The following SKOR1 variants were observed in gnomAD, a reference collection of about 807,000 sequenced individuals.
SKOR1 encodes LBX1 corepressor 1.
SKOR1 carries 38 observed loss-of-function variants against 72.4 expected under a neutral mutation model. The ratio of observed to expected loss-of-function variants is 0.52; its 90% confidence interval spans 0.40 to 0.69. The LOEUF is 0.69. Ranked by LOEUF, SKOR1 falls within the 30% of genes least tolerant of loss-of-function variation. The probability of loss-of-function intolerance (pLI) is 0.00; values close to 1 mark genes in which losing one functional copy is unlikely to be tolerated. For synonymous variants in SKOR1, 642 were observed against 599.4 expected (o/e 1.07, Z -1.04); for missense variants, 1,320 against 1,343.2 (o/e 0.98, Z 0.27).
Position 67,827,973 on chromosome 15 carries a change from C to T in SKOR1, c.2145C>T (p.Gly715=), listed in dbSNP as rs914546277. 1 of 1,541,256 alleles carries T rather than the reference C, an allele frequency of 6.5e-7. No individual in the cohort carries two copies. The highest frequency in any genetic ancestry group is 1.2e-5 in the South Asian group (1 of 83,658). Residue 715 remains glycine (G), a synonymous_variant, in exon 2 of 9, where the codon GGC becomes GGT. Transcript: ENST00000380035. ...ADGPANSPDG[G]SPRPRRRLGP... is the part of the protein sequence containing the mutation. ...GTCCCGCAAACTCTCCCGACGGCGGCAGCCCCCGCCCCCGGCGCCGCCTCG... is the reference window on the plus strand; with the variant it reads ...GTCCCGCAAACTCTCCCGACGGCGGTAGCCCCCGCCCCCGGCGCCGCCTCG...
intron 4 of SKOR1, 35 bp downstream of exon 4, chr15:67,830,333 C>T (rs775235394): frequency 1.3e-6 from 2 of 1,598,308 alleles, no homozygotes; most frequent in East Asian, 2.2e-5. Context: ...CTCTCCACCG[C>T]ACCCAGGAGC....
At position 67,825,839 on chromosome 15, in the gene SKOR1, CCGCGCGCCCAACTCGGAGCGCCCTGCTG is replaced by C. The variant is rs1431605094; in HGVS notation, c.108-96_108-69del. Reference sequence around the variant, plus strand: ...TGGACTCCCCACTGCCAAGTATCCCCCGCGCGCCCAACTCGGAGCGCCCTGCTGGGCGGGCCCGAGCCTCGGCGGCGGC... The same window carrying C: ...TGGACTCCCCACTGCCAAGTATCCCCGGCGGGCCCGAGCCTCGGCGGCGGC... On this transcript the variant is annotated intron_variant, in intron 1 of 8. Coordinates refer to ENST00000380035, the MANE Select transcript of SKOR1 (RefSeq NM_001365915.1). This position sits in a 1 kb window ranked among gnomAD's most constrained non-coding sequence, Gnocchi z 5.6. 6.6e-7 allele frequency: 1 copy of C among 1,516,160 alleles called. No individual in the cohort carries two copies. Among genetic ancestry groups the C allele is most frequent in the African/African-American group, 1.4e-5 (1 of 71,886 alleles). 93.9% of individuals were successfully genotyped at this position (1,516,160 alleles called of 1,614,324 possible).
Position 67,827,997 on chromosome 15 carries a change from C to T in SKOR1, c.2169C>T (p.Leu723=). The T allele has an allele frequency of 1.9e-6, 3 of 1,539,038 alleles. No individual in the cohort carries two copies. Among genetic ancestry groups the T allele is most frequent in the Non-Finnish European group, 1.7e-6 (2 of 1,144,272 alleles). Residue 723 remains leucine, a synonymous_variant, in exon 2 of 9, where the codon CTC becomes CTT. Coordinates refer to ENST00000380035, the MANE Select transcript of SKOR1 (RefSeq NM_001365915.1). ...DGGSPRPRRR[L]GPPPAGRPAF... is the part of the protein sequence containing the mutation. ...GCAGCCCCCGCCCCCGGCGCCGCCT[C>T]GGGCCACCCCCAGCTGGCCGGCCCG...
intron 5 of SKOR1, among the ~76,000 whole-genome samples, chr15:67,831,947 T>C (rs1033828041): frequency 2.0e-5 from 3 of 148,190 alleles, no homozygotes; most frequent in African/African-American, 5.2e-5. Flanking sequence ...GGTCTGTCAC[T>C]TGAAGTGGGA....
chr15:67,832,650 A>G lies in SKOR1; in HGVS notation c.2706A>G (p.Glu902=). The stretch of plus-strand genomic sequence containing the variant: ...TGAAGAGGGAATTGGCTTATCGAGA[A>G]GAAATGGTGCAACAGCTGCAAATTG... ...DQMKRELAYR[E]EMVQQLQIVR... Residue 902 remains glutamate (E), a synonymous_variant, in exon 7 of 9, where the codon GAA becomes GAG. Coordinates refer to ENST00000380035, the MANE Select transcript of SKOR1 (RefSeq NM_001365915.1). This position sits in a 1 kb window ranked among gnomAD's most constrained non-coding sequence, Gnocchi z 4.5. The G allele has an allele frequency of 1.9e-6, 3 of 1,614,170 alleles. No homozygotes were observed. Among genetic ancestry groups the G allele is most frequent in the Non-Finnish European group, 2.5e-6 (3 of 1,180,012 alleles).
At chr15:67,830,789 A>G (rs1367539610) in intron 4 of SKOR1, 29 bp from the exon 5 acceptor site, 2 of 1,612,616 alleles carry the variant, frequency 1.2e-6, no homozygotes, top group East Asian at 2.2e-5. Context: ...CCTAGGACAG[A>G]ACCCCTCTTA....
Position 67,833,606 on chromosome 15 carries a change from T to C in SKOR1, c.2804-136T>C. ...ATCACCAGCTTTTGTCCTACCCTCCTGCCTCCTCCTGATCCGCTCGGTTGA... is the reference window on the plus strand; with the variant it reads ...ATCACCAGCTTTTGTCCTACCCTCCCGCCTCCTCCTGATCCGCTCGGTTGA... On this transcript the variant is annotated intron_variant, in intron 8 of 8. Transcript: ENST00000380035. The surrounding 1 kb of genome is among the most constrained non-coding windows in gnomAD (Gnocchi z 6.0). 1.1e-6 allele frequency: 1 copy of C among 893,678 alleles called. No homozygotes were observed. 55.4% of individuals were successfully genotyped at this position (893,678 alleles called of 1,614,324 possible).
At position 67,826,903 on chromosome 15, in the gene SKOR1, G is replaced by T; in HGVS notation, c.1075G>T (p.Gly359Cys). 1 of 1,551,052 alleles carries T rather than the reference G, an allele frequency of 6.4e-7. No individual in the cohort carries two copies. The highest frequency in any genetic ancestry group is 1.4e-5 in the African/African-American group (1 of 73,128). Residue 359 changes from glycine (G) to cysteine (C), a missense_variant, in exon 2 of 9, where the codon GGC (glycine) becomes TGC (cysteine). Physicochemically the swap from Gly to Cys is radical, Grantham distance 159 (BLOSUM62 -3). This residue lies in a region of SKOR1 where 1,099 missense variants were observed against 1,025.5 expected (regional missense o/e 1.07). Transcript: ENST00000380035. Reference sequence around the variant, plus strand: ...GGCGACTGGAGCTAGTGGCCCGGCGGGCCCAGGAGGGCCCGGTGGCGGCGC... The same window carrying T: ...GGCGACTGGAGCTAGTGGCCCGGCGTGCCCAGGAGGGCCCGGTGGCGGCGC... Reference protein sequence around the residue: ...GLATGASGPAGPGGPGGGAGV... With the variant: ...GLATGASGPACPGGPGGGAGV...
chr15:67,828,116 G>C lies in SKOR1; in HGVS notation c.2288G>C (p.Gly763Ala). Residue 763 changes from glycine (G) to alanine (A), a missense_variant, in exon 2 of 9, where the codon GGG becomes GCG. This residue lies in a region of SKOR1 where 1,099 missense variants were observed against 1,025.5 expected (regional missense o/e 1.07). Coordinates refer to ENST00000380035, the MANE Select transcript of SKOR1 (RefSeq NM_001365915.1). ...GGCTACGAGCTGCGAGAGCCTTGCG[G>C]GCCCCTAGGAGGCCCCGCGCCGGCC... ...GGGYELREPC[G>A]PLGGPAPAKV... 2 of 1,513,526 alleles carry C rather than the reference G, an allele frequency of 1.3e-6. No homozygotes were observed. Among genetic ancestry groups the C allele is most frequent in the Non-Finnish European group, 8.8e-7 (1 of 1,137,472 alleles). 93.8% of individuals were successfully genotyped at this position (1,513,526 alleles called of 1,614,324 possible).
At position 67,827,501 on chromosome 15, in the gene SKOR1, C is replaced by T; in HGVS notation, c.1673C>T (p.Ser558Phe). ...GAEERCPSALSRGPLDEDGTD... is the reference protein window; with the variant it reads ...GAEERCPSALFRGPLDEDGTD... Reference sequence around the variant, plus strand: ...GAGGAGCGCTGCCCGAGCGCTCTGTCCCGCGGGCCCCTGGACGAAGACGGC... The same window carrying T: ...GAGGAGCGCTGCCCGAGCGCTCTGTTCCGCGGGCCCCTGGACGAAGACGGC... The change falls in exon 2 of 9, where the codon TCC (serine) becomes TTC (phenylalanine). Residue 558 changes from serine to phenylalanine, a missense_variant. Physicochemically the swap from Ser to Phe is radical, Grantham distance 155 (BLOSUM62 -2). Coordinates refer to ENST00000380035, the MANE Select transcript of SKOR1 (RefSeq NM_001365915.1). The T allele has an allele frequency of 6.6e-7, 1 of 1,523,376 alleles. No homozygotes were observed. Among genetic ancestry groups the T allele is most frequent in the Non-Finnish European group, 8.8e-7 (1 of 1,142,526 alleles). The allele number at this position is 1,523,376 out of a possible 1,614,324, so 94.4% of individuals were successfully genotyped here.
Position 67,832,487 on chromosome 15 carries a change from C to A in SKOR1, c.2663-120C>A. On this transcript the variant is annotated intron_variant, in intron 6 of 8. Coordinates refer to ENST00000380035, the MANE Select transcript of SKOR1 (RefSeq NM_001365915.1). This position sits in a 1 kb window ranked among gnomAD's most constrained non-coding sequence, Gnocchi z 4.5. The stretch of plus-strand genomic sequence containing the variant: ...GACAAGAAACTGTCCTTTTCCAGGG[C>A]TGCAGGCGAATGGCTGGGTGGGAGT... The A allele has an allele frequency of 7.6e-7, 1 of 1,312,692 alleles. No homozygotes were observed. Among genetic ancestry groups the A allele is most frequent in the Non-Finnish European group, 1.1e-6 (1 of 923,696 alleles). 81.3% of individuals were successfully genotyped at this position (1,312,692 alleles called of 1,614,324 possible).
In SKOR1 at chr15:67,825,753, G is replaced by T; in HGVS notation, c.107+44G>T. On this transcript the variant is annotated intron_variant, in intron 1 of 8. Coordinates refer to ENST00000380035, the MANE Select transcript of SKOR1 (RefSeq NM_001365915.1). This position sits in a 1 kb window ranked among gnomAD's most constrained non-coding sequence, Gnocchi z 5.6. ...CCTCCCCCAAGCCCCGGGGGCTGTT[G>T]TTAACGGCGCCAACATGGGTCTGAG... The T allele has an allele frequency of 8.9e-7, 1 of 1,119,882 alleles. No homozygotes were observed. The allele number at this position is 1,119,882 out of a possible 1,614,324, so 69.4% of individuals were successfully genotyped here. A position where few individuals can be genotyped will look rare whatever the true frequency, so the allele number is the denominator to read the frequency against.
rs1214375362 is a variant in SKOR1 at position 67,830,838 on chromosome 15, G to A, written c.2536G>A (p.Asp846Asn). The change falls in exon 5 of 9, where the codon GAT becomes AAT. Residue 846 changes from aspartate (D) to asparagine (N), a missense_variant. Around this residue, in one of 3 missense-constraint regions of SKOR1, gnomAD observed 1,099 missense variants for 1,025.5 expected, o/e 1.07. Transcript: ENST00000380035. ...TDRGEDGLTL[D>N]VTGTHLVEKD... ...CCCAGGCGAAGATGGGCTTACCTTG[G>A]ATGTCACAGGAACTCATTTGGTGGA... The A allele has an allele frequency of 6.2e-7, 1 of 1,614,060 alleles. No homozygotes were observed. Among genetic ancestry groups the A allele is most frequent in the African/African-American group, 1.3e-5 (1 of 74,914 alleles).
chr15:67,826,075 T>C lies in SKOR1; in HGVS notation c.247T>C (p.Tyr83His). 1.3e-6 allele frequency: 2 copies of C among 1,598,152 alleles called. No individual in the cohort carries two copies. Among genetic ancestry groups the C allele is most frequent in the South Asian group, 2.2e-5 (2 of 89,664 alleles). Residue 83 changes from tyrosine (Y) to histidine (H), a missense_variant, in exon 2 of 9, where the codon TAC becomes CAC. Tyr to His is a moderately conservative substitution (Grantham distance 83, BLOSUM62 2). Coordinates refer to ENST00000380035, the MANE Select transcript of SKOR1 (RefSeq NM_001365915.1). ...CAACCAGGTGGGCGAGACGTCGCTG[T>C]ACGGGGTGCCCATTGTGTCGCTGGT... ...KPNQVGETSL[Y>H]GVPIVSLVID...
At chr15:67,830,768 T>C (rs1286629087) in intron 4 of SKOR1, 50 bp from the exon 5 acceptor site, 2 of 1,597,610 alleles carry the variant, frequency 1.3e-6, no homozygotes, top group Admixed American at 1.7e-5. Context: ...CCCTCCCCTC[T>C]CAAGGGCTTT....
Position 67,832,160 on chromosome 15 carries a change from C to T in SKOR1, c.2588-114C>T. On this transcript the variant is annotated intron_variant, in intron 5 of 8. Coordinates refer to ENST00000380035, the MANE Select transcript of SKOR1 (RefSeq NM_001365915.1). The surrounding 1 kb of genome is among the most constrained non-coding windows in gnomAD (Gnocchi z 4.5). ...AAGCCAGAGAGCGGAGGGCCTCCAC[C>T]TACTGGTCATCCTTCTCAACTCTCC... is the stretch of plus-strand genomic sequence containing the variant. The T allele has an allele frequency of 1.1e-6, 1 of 919,580 alleles. No individual in the cohort carries two copies. Among genetic ancestry groups the T allele is most frequent in the East Asian group, 2.4e-5 (1 of 41,622 alleles). 57.0% of individuals were successfully genotyped at this position (919,580 alleles called of 1,614,324 possible).
chr15:67,828,982 A>C (rs1287974300), intron 2 of SKOR1, among the ~76,000 whole-genome samples, 197 bp from the exon 3 acceptor site: 1 of 152,116 alleles, frequency 6.6e-6, no homozygotes, highest in African/African-American at 2.4e-5. Flanking sequence ...AATTTTCCCG[A>C]GGGCGCTAAC....
Position 67,826,781 on chromosome 15 carries a change from C to T in SKOR1, c.953C>T (p.Pro318Leu). 1 of 1,532,324 alleles carries T rather than the reference C, an allele frequency of 6.5e-7. No homozygotes were observed. The highest frequency in any genetic ancestry group is 8.7e-7 in the Non-Finnish European group (1 of 1,143,640). The allele number at this position is 1,532,324 out of a possible 1,614,324, so 94.9% of individuals were successfully genotyped here. The stretch of plus-strand genomic sequence containing the variant: ...CCAGGGTGCGGTGCAGAGATGGCCC[C>T]AGGCCCGCCGCCCCACAAAAGCCTG... ...GGPGCGAEMA[P>L]GPPPHKSLRC... Residue 318 changes from proline to leucine, a missense_variant, in exon 2 of 9, where the codon CCA (proline) becomes CTA (leucine). Pro to Leu is a moderately conservative substitution (Grantham distance 98). Coordinates refer to ENST00000380035, the MANE Select transcript of SKOR1 (RefSeq NM_001365915.1).
Position 67,825,558 on chromosome 15 carries a change from C to T in SKOR1, c.-45C>T. Reference sequence around the variant, plus strand: ...CCGGCAGCACCGGCTGCGAGGGTTGCCGAAGGCGCACGGATCTGGGCGCTG... The same window carrying T: ...CCGGCAGCACCGGCTGCGAGGGTTGTCGAAGGCGCACGGATCTGGGCGCTG... On this transcript the variant is annotated 5_prime_UTR_variant, in exon 1 of 9. Transcript: ENST00000380035. The surrounding 1 kb of genome is among the most constrained non-coding windows in gnomAD (Gnocchi z 5.6). 1 of 724,454 alleles carries T rather than the reference C, an allele frequency of 1.4e-6. No homozygotes were observed. Among genetic ancestry groups the T allele is most frequent in the Non-Finnish European group, 2.6e-6 (1 of 388,900 alleles). 44.9% of individuals were successfully genotyped at this position (724,454 alleles called of 1,614,324 possible).
Sources: allele counts gnomAD v4.1 joint callset (sites outside exome capture counted in the v4.1 genomes callset), GRCh38; gene constraint gnomAD v4.1.1; regional missense constraint gnomAD v4.1.1; non-coding constraint Gnocchi (gnomAD v3.1); transcripts MANE v1.5; gene names NCBI Gene and HGNC (gene_info 2026-07-23, HGNC 2026-07-21).